MTDH: variants seen among roughly 807,000 people sequenced by gnomAD.
MTDH encodes protein LYRIC.
Under a neutral mutation model 72.7 loss-of-function variants are expected in MTDH, and 34 were observed. That is an observed-to-expected ratio of 0.47 (90% CI 0.36 to 0.62). The LOEUF (loss-of-function observed/expected upper bound fraction) is 0.62. Among genes scored for constraint, MTDH ranks in the 20% least tolerant of loss-of-function variants. The probability of loss-of-function intolerance (pLI) is 0.00; values close to 1 mark genes in which losing one functional copy is unlikely to be tolerated. For synonymous variants in MTDH, 266 were observed against 268.9 expected (o/e 0.99, Z 0.10); for missense variants, 677 against 699.4 (o/e 0.97, Z 0.36).
At chr8:97,644,912 GA>G in intron 1 of MTDH, 25 bp downstream of exon 1, 1 of 1,512,214 alleles carries the variant, frequency 6.6e-7, no homozygotes, top group African/African-American at 1.5e-5. Context: ...AGCGGCAGTA[GA>G]GAACGGGCGA....
intron 2 of MTDH, among the ~76,000 whole-genome samples, chr8:97,668,800 C>T (rs1193744839): frequency 2.0e-5 from 3 of 152,158 alleles, no homozygotes; most frequent in African/African-American, 7.2e-5. Context: ...AATGGCCCGC[C>T]CACCTCGGCC....
rs1328832434 is a variant in MTDH at position 97,699,940 on chromosome 8, T to C, written c.1147+88T>C. ...TCATGCTTTATGTTTTAATTTTAATTCTAATTTCTCACCTTTAAAGGTCAT... is the reference window on the plus strand; with the variant it reads ...TCATGCTTTATGTTTTAATTTTAATCCTAATTTCTCACCTTTAAAGGTCAT... On this transcript the variant is annotated intron_variant, in intron 7 of 11. Transcript: ENST00000336273. The C allele has an allele frequency of 9.8e-6, 8 of 815,230 alleles. No individual in the cohort carries two copies. In the African/African-American group the frequency reaches 1.4e-4, roughly 14 times the overall value. The allele number at this position is 815,230 out of a possible 1,614,324, so 50.5% of individuals were successfully genotyped here. A position where few individuals can be genotyped will look rare whatever the true frequency, so the allele number is the denominator to read the frequency against.
At chr8:97,658,952 G>A (rs1326050653) in intron 1 of MTDH, among the ~76,000 whole-genome samples, 2 of 152,012 alleles carry the variant, frequency 1.3e-5, no homozygotes, top group African/African-American at 2.4e-5. Flanking sequence ...GACCATCCTG[G>A]CTGACACAGT....
chr8:97,698,048 TAGAG>T (rs1231218818), intron 6 of MTDH, among the ~76,000 whole-genome samples: 1 of 152,092 alleles, frequency 6.6e-6, no homozygotes, highest in South Asian at 2.1e-4. Context: ...AACATACATA[TAGAG>T]AGAGTATATC....
At chr8:97,669,864 G>A (rs1812541101) in intron 2 of MTDH, among the ~76,000 whole-genome samples, 1 of 150,110 alleles carries the variant, frequency 6.7e-6, no homozygotes, top group South Asian at 2.2e-4. Flanking sequence ...TGCAGGCGGA[G>A]TGGAGCAGAG....
chr8:97,649,076 A>C (rs556867112), intron 1 of MTDH, among the ~76,000 whole-genome samples: 1 of 152,326 alleles, frequency 6.6e-6, no homozygotes, highest in South Asian at 2.1e-4. Flanking sequence ...ATTGTGTTAC[A>C]GTTGCCACAG....
chr8:97,700,087 TAGTATTTCTAGTTTTTAA>T (rs1471457189), intron 7 of MTDH, among the ~76,000 whole-genome samples: 4 of 152,206 alleles, frequency 2.6e-5, no homozygotes, highest in African/African-American at 9.7e-5. Context: ...AGTTGCTCTG[TAGTATTTCTAGTTTTTAA>T]ATTTTTTGTT....
intron 2 of MTDH, among the ~76,000 whole-genome samples, chr8:97,680,991 G>A (rs950955713): frequency 2.6e-5 from 4 of 152,180 alleles, no homozygotes; most frequent in African/African-American, 9.7e-5. Flanking sequence ...ATGTCCCAAG[G>A]AAGTTTGTGA....
intron 2 of MTDH, among the ~76,000 whole-genome samples, chr8:97,667,726 TCA>T (rs1231912685): frequency 6.6e-6 from 1 of 151,264 alleles, no homozygotes; most frequent in Non-Finnish European, 1.5e-5. Context: ...GTGCAGTAGC[TCA>T]CACCTGTAAT....
chr8:97,674,424 G>T (rs1281050319), intron 2 of MTDH, among the ~76,000 whole-genome samples: 1 of 152,212 alleles, frequency 6.6e-6, no homozygotes, highest in Admixed American at 6.5e-5. Context: ...CTAAGATGGA[G>T]AACTGCTGGT....
At chr8:97,686,132 C>T (rs544352854) in intron 2 of MTDH, among the ~76,000 whole-genome samples, 61 of 152,282 alleles carry the variant, frequency 4.0e-4, no homozygotes, top group Non-Finnish European at 7.2e-4. Flanking sequence ...ACATAGGATA[C>T]AGCAACAATC....
chr8:97,691,998 G>T (rs999997233), intron 6 of MTDH, among the ~76,000 whole-genome samples: 3 of 152,032 alleles, frequency 2.0e-5, no homozygotes, highest in Admixed American at 6.6e-5. Flanking sequence ...TCCTACCTCA[G>T]CCTCCCGAGT....
In MTDH at chr8:97,682,254, A is replaced by T. The variant is rs1432115903; in HGVS notation, c.484-4414A>T. Among the ~76,000 whole-genome samples the T allele has an allele frequency of 1.8e-3, 8 of 4,466 alleles. 1 individual carries two copies. In the East Asian group the frequency reaches 0.031, roughly 17 times the overall value. 2.9% of individuals were successfully genotyped at this position (4,466 alleles called of 152,430 possible). Reference sequence around the variant, plus strand: ...TTTATATATATATATATATATATATATATATATATATATATATATATATAT... The same window carrying T: ...TTTATATATATATATATATATATATTTATATATATATATATATATATATAT... On this transcript the variant is annotated intron_variant, in intron 2 of 11. Transcript: ENST00000336273.
intron 5 of MTDH, among the ~76,000 whole-genome samples, chr8:97,690,265 T>G (rs551867539): frequency 1.3e-5 from 2 of 152,250 alleles, no homozygotes; most frequent in African/African-American, 4.8e-5. Context: ...GTGCTGGGAT[T>G]ACAAGTGTGA....
At chr8:97,718,965 G>T in intron 9 of MTDH, 84 bp from the exon 10 acceptor site, 1 of 1,301,504 alleles carries the variant, frequency 7.7e-7, no homozygotes, top group East Asian at 2.5e-5. Context: ...CAGAGTGCTG[G>T]GATTACAGCC....
chr8:97,653,975 T>C (rs1811871492), intron 1 of MTDH, among the ~76,000 whole-genome samples: 2 of 152,246 alleles, frequency 1.3e-5, no homozygotes, highest in African/African-American at 4.8e-5. Context: ...TGCTTGTATT[T>C]AGTTTTTCAG....
Position 97,689,107 on chromosome 8 carries a change from A to ATT in MTDH, c.811+4_811+5insTT. 6.4e-7 allele frequency: 1 copy of ATT among 1,559,758 alleles called. No homozygotes were observed. The highest frequency in any genetic ancestry group is 8.8e-7 in the Non-Finnish European group (1 of 1,141,104). ...AAAGGAGATTCTACACTTCAGGGTG[A>ATT]GAGAAATTACATGTAACTTAAATTG... On this transcript the variant is annotated splice_donor_region_variant and intron_variant, in intron 5 of 11. Coordinates refer to ENST00000336273, the MANE Select transcript of MTDH (RefSeq NM_178812.4).
intron 6 of MTDH, among the ~76,000 whole-genome samples, chr8:97,698,042 T>C (rs1356669472): frequency 6.6e-6 from 1 of 152,180 alleles, no homozygotes; most frequent in Non-Finnish European, 1.5e-5. Flanking sequence ...ATATTAAACA[T>C]ACATATAGAG....
intron 1 of MTDH, 121 bp downstream of exon 1, chr8:97,645,008 C>A: frequency 8.7e-7 from 1 of 1,144,836 alleles, no homozygotes; most frequent in Non-Finnish European, 1.2e-6. Flanking sequence ...AGCCGAGAGG[C>A]AGCACTCCCA....
Sources: gnomAD v4.1 joint callset for allele counts (sites outside exome capture counted in the v4.1 genomes callset) on GRCh38, gnomAD v4.1.1 for gene constraint, MANE v1.5 for transcripts, NCBI Gene and HGNC (gene_info 2026-07-23, HGNC 2026-07-21) for gene names.